Variants in LOXHD1 observed in about 807,000 individuals in gnomAD.
LOXHD1 encodes lipoxygenase homology domain-containing protein 1.
A neutral mutation model predicts 248.2 loss-of-function variants in LOXHD1; 205 were observed. The ratio of observed to expected loss-of-function variants is 0.83; its 90% CI spans 0.74 to 0.93. The LOEUF is 0.93. Among genes scored for constraint, LOXHD1 ranks in the 40% least tolerant of loss-of-function variants. The pLI, the probability that LOXHD1 is intolerant of heterozygous loss-of-function variation, is 0.00. For missense variants in LOXHD1, 2,930 were observed against 2,971.6 expected, an observed-to-expected ratio of 0.99 and a Z score of 0.33; for synonymous variants, 1,113 against 1,162.8, an observed-to-expected ratio of 0.96 and a Z score of 0.87.
In LOXHD1 at chr18:46,610,995, C is replaced by T. The variant is rs576252330; in HGVS notation, c.611-71G>A. The stretch of plus-strand genomic sequence containing the variant: ...AAAGAATTTCCAAGCCTTCATGGTC[C>T]GCCCACTGAAAGATGCTCTTCCAAA... On this transcript the variant is annotated intron_variant, in intron 5 of 40. Coordinates refer to ENST00000642948, the MANE Select transcript of LOXHD1 (RefSeq NM_001384474.1). 824 of 1,517,750 alleles carry T rather than the reference C, an allele frequency of 5.4e-4. 1 individual carries two copies. Among genetic ancestry groups the T allele is most frequent in the Non-Finnish European group, 6.8e-4 (767 of 1,130,090 alleles). 94.0% of individuals were successfully genotyped at this position (1,517,750 alleles called of 1,614,324 possible). A position where few individuals can be genotyped will look rare whatever the true frequency, so the allele number is the denominator to read the frequency against.
chr18:46,494,091 C>A (rs976313694), intron 37 of LOXHD1, among the ~76,000 whole-genome samples: 5 of 152,204 alleles, frequency 3.3e-5, no homozygotes, highest in African/African-American at 1.2e-4. Context: ...AATCCCCAGG[C>A]TCTCAGCGTT....
intron 14 of LOXHD1, among the ~76,000 whole-genome samples, chr18:46,576,791 G>A (rs899343963): frequency 2.0e-5 from 3 of 152,174 alleles, no homozygotes; most frequent in Admixed American, 2.0e-4. Context: ...GGGTTGGTGG[G>A]GTGCTAAGTA....
chr18:46,523,826 A>C (rs772295698), intron 31 of LOXHD1, among the ~76,000 whole-genome samples: 3 of 152,030 alleles, frequency 2.0e-5, no homozygotes, highest in Non-Finnish European at 2.9e-5. Context: ...AACTGCAAGC[A>C]GACTGACTTT....
At chr18:46,646,171 G>C (rs1474008485) in intron 2 of LOXHD1, among the ~76,000 whole-genome samples, 1 of 152,190 alleles carries the variant, frequency 6.6e-6, no homozygotes, top group East Asian at 1.9e-4. Flanking sequence ...CAGTGTGGAG[G>C]GGATGGGAGG....
chr18:46,656,186 A>C (rs1599082835), intron 1 of LOXHD1, among the ~76,000 whole-genome samples: 1 of 152,248 alleles, frequency 6.6e-6, no homozygotes, highest in African/African-American at 2.4e-5. Flanking sequence ...AGTGGTGGAG[A>C]CTGTGATAAG....
chr18:46,631,955 G>T (rs544447884), intron 4 of LOXHD1, among the ~76,000 whole-genome samples: 2 of 152,302 alleles, frequency 1.3e-5, no homozygotes, highest in East Asian at 3.9e-4. Flanking sequence ...ATGCTGGAGA[G>T]AACAGCTTTC....
intron 26 of LOXHD1, among the ~76,000 whole-genome samples, chr18:46,536,410 G>C (rs942668305): frequency 6.6e-6 from 1 of 152,138 alleles, no homozygotes; most frequent in Non-Finnish European, 1.5e-5. Flanking sequence ...TGCAGAGAGA[G>C]GGACACAGGT....
intron 4 of LOXHD1, among the ~76,000 whole-genome samples, chr18:46,634,816 A>G (rs1435188516): frequency 2.0e-5 from 3 of 152,190 alleles, no homozygotes; most frequent in African/African-American, 7.2e-5. Context: ...TTAGTGTTTA[A>G]TGGGCACAGT....
intron 15 of LOXHD1, among the ~76,000 whole-genome samples, chr18:46,571,555 C>T (rs2037752414): frequency 6.6e-6 from 1 of 152,168 alleles, no homozygotes; most frequent in Non-Finnish European, 1.5e-5. Context: ...CAACATCAAC[C>T]CTGACCATCT....
chr18:46,516,741 C>T (rs2035270708), intron 34 of LOXHD1, among the ~76,000 whole-genome samples: 1 of 151,772 alleles, frequency 6.6e-6, no homozygotes, highest in Admixed American at 6.6e-5. Flanking sequence ...CCATCATCAC[C>T]ATCATTATCA....
intron 37 of LOXHD1, among the ~76,000 whole-genome samples, chr18:46,490,866 A>G (rs2033422392): frequency 6.6e-6 from 1 of 152,228 alleles, no homozygotes; most frequent in Non-Finnish European, 1.5e-5. Flanking sequence ...AGTTTGCAAA[A>G]TGGCTGCTTT....
intron 37 of LOXHD1, among the ~76,000 whole-genome samples, chr18:46,496,031 G>GTAAA (rs1021966230): frequency 1.3e-5 from 2 of 152,200 alleles, no homozygotes; most frequent in Admixed American, 6.5e-5. Context: ...AACTCCATCC[G>GTAAA]TAAATAAATA....
At chr18:46,602,145 G>A (rs566001761) in intron 7 of LOXHD1, among the ~76,000 whole-genome samples, 2 of 152,262 alleles carry the variant, frequency 1.3e-5, no homozygotes, top group East Asian at 3.9e-4. Context: ...AAATACCAAA[G>A]ACAAACATTT....
chr18:46,625,421 G>A (rs56140519), intron 4 of LOXHD1, among the ~76,000 whole-genome samples: 1 of 151,320 alleles, frequency 6.6e-6, no homozygotes, highest in African/African-American at 2.4e-5. Flanking sequence ...TGGCTTCCCT[G>A]GGCCACACTG....
chr18:46,479,271 T>C (rs961686216), intron 40 of LOXHD1, among the ~76,000 whole-genome samples: 2 of 146,458 alleles, frequency 1.4e-5, no homozygotes, highest in Non-Finnish European at 3.0e-5. Context: ...TGTGTGTTCA[T>C]GGACTGCAGA....
chr18:46,624,771 C>T (rs190130726), intron 4 of LOXHD1, among the ~76,000 whole-genome samples: 1 of 152,300 alleles, frequency 6.6e-6, no homozygotes, highest in East Asian at 1.9e-4. Flanking sequence ...GGCTTTCTTC[C>T]TTTGCTTTCC....
chr18:46,570,055 C>T (rs150305593), intron 15 of LOXHD1, among the ~76,000 whole-genome samples: 1 of 152,336 alleles, frequency 6.6e-6, no homozygotes, highest in East Asian at 1.9e-4. Flanking sequence ...GCATTATACA[C>T]ATGGTATTAT....
intron 33 of LOXHD1, among the ~76,000 whole-genome samples, chr18:46,519,436 A>G (rs527799874): frequency 6.6e-6 from 1 of 152,184 alleles, no homozygotes; most frequent in South Asian, 2.1e-4. Flanking sequence ...AGCATCTAGA[A>G]TCTCTGCCAG....
intron 34 of LOXHD1, among the ~76,000 whole-genome samples, chr18:46,517,153 A>G (rs568119860): frequency 6.6e-6 from 1 of 152,282 alleles, no homozygotes; most frequent in African/African-American, 2.4e-5. Context: ...CGAGTCTGTC[A>G]TCTCTGGTTC....
Sources: gnomAD v4.1 joint callset for allele counts (sites outside exome capture counted in the v4.1 genomes callset) on GRCh38, gnomAD v4.1.1 for gene constraint, MANE v1.5 for transcripts, NCBI Gene and HGNC (gene_info 2026-07-23, HGNC 2026-07-21) for gene names.